RIMS1: variants seen among roughly 807,000 people sequenced by gnomAD.
RIMS1 encodes regulating synaptic membrane exocytosis protein 1.
RIMS1 carries 83 observed loss-of-function variants against 214.1 expected under a neutral mutation model. That is an observed-to-expected ratio of 0.39 (90% confidence interval 0.32 to 0.47). The LOEUF (loss-of-function observed/expected upper bound fraction) is 0.47, where lower values mean the gene tolerates loss of function less well. Ranked by LOEUF, RIMS1 falls within the 20% of genes least tolerant of loss-of-function variation. RIMS1 has a pLI of 0.99. For missense variants in RIMS1, 2,050 were observed against 2,161.8 expected (o/e 0.95, Z 1.03); for synonymous variants, 793 against 786.8 (o/e 1.01, Z -0.13).
intron 2 of RIMS1, among the ~76,000 whole-genome samples, chr6:71,972,230 A>C (rs957640342): frequency 3.3e-5 from 5 of 152,164 alleles, no homozygotes; most frequent in Non-Finnish European, 7.4e-5. Context: ...AGGGATGAAA[A>C]GTGTGCTTTG....
chr6:72,275,897 G>A (rs916899813), intron 23 of RIMS1, among the ~76,000 whole-genome samples: 22 of 152,294 alleles, frequency 1.4e-4, no homozygotes, highest in African/African-American at 5.3e-4. Flanking sequence ...AGGGAACTTA[G>A]AATTTTCTTT....
chr6:72,154,482 C>T (rs1383596294), intron 4 of RIMS1, among the ~76,000 whole-genome samples: 2 of 140,346 alleles, frequency 1.4e-5, no homozygotes, highest in African/African-American at 2.5e-5. Flanking sequence ...GGCAAAAATA[C>T]GTCAAAACAT....
rs146124735 is a variant in RIMS1 at position 72,133,873 on chromosome 6, A to G, written c.471+33887A>G. Among the ~76,000 whole-genome samples, 309 of 152,236 alleles carry G rather than the reference A, an allele frequency of 2.0e-3. 2 individuals carry two copies. Among genetic ancestry groups the G allele is most frequent in the South Asian group, 3.9e-3 (19 of 4,820 alleles). On this transcript the variant is annotated intron_variant, in intron 4 of 33. Coordinates refer to ENST00000521978, the MANE Select transcript of RIMS1 (RefSeq NM_014989.7). ...ATGAAAGATAGTTACAGAGGGTGGG[A>G]TATGGTGTTAGGCAGCTGAGGACTC...
At position 72,118,540 on chromosome 6, in the gene RIMS1, G is replaced by T. The variant is rs538657515; in HGVS notation, c.471+18554G>T. ...TAACAAAGAAAGAAAACTATGGACTGATATTCCTGATGAACATAGATGCAA... is the reference window on the plus strand; with the variant it reads ...TAACAAAGAAAGAAAACTATGGACTTATATTCCTGATGAACATAGATGCAA... On this transcript the variant is annotated intron_variant, in intron 4 of 33. Coordinates refer to ENST00000521978, the MANE Select transcript of RIMS1 (RefSeq NM_014989.7). Among the ~76,000 whole-genome samples, 6 of 151,578 alleles carry T rather than the reference G, an allele frequency of 4.0e-5. No homozygotes were observed. In the East Asian group the frequency reaches 1.2e-3, roughly 29 times the overall value.
chr6:72,076,326 A>G (rs1194710135), intron 2 of RIMS1, among the ~76,000 whole-genome samples: 3 of 152,346 alleles, frequency 2.0e-5, no homozygotes, highest in East Asian at 3.9e-4. Context: ...AAAGGTGCCC[A>G]TCAATTTTGT....
chr6:72,229,531 A>G, intron 6 of RIMS1, among the ~76,000 whole-genome samples: 1 of 151,884 alleles, frequency 6.6e-6, no homozygotes, highest in East Asian at 1.9e-4. Flanking sequence ...ACCTGTAGTT[A>G]GGTGAAATTA....
rs2062993975 is a variant in RIMS1, at chr6:72,233,863, T to C, written c.1746+23T>C. On this transcript the variant is annotated intron_variant, in intron 7 of 33. Transcript: ENST00000521978. ...TCGGTAAGTTTTCTGGAAAGTGTGT[T>C]TGGAGTTTAGGGAATATGTGTGCTC... The C allele has an allele frequency of 5.2e-6, 8 of 1,527,228 alleles. No individual in the cohort carries two copies. In the African/African-American group the frequency reaches 9.6e-5, roughly 18 times the overall value. 94.6% of individuals were successfully genotyped at this position (1,527,228 alleles called of 1,614,324 possible). A position where few individuals can be genotyped will look rare whatever the true frequency, so the allele number is the denominator to read the frequency against.
intron 4 of RIMS1, among the ~76,000 whole-genome samples, chr6:72,179,096 C>G (rs1415251042): frequency 6.6e-6 from 1 of 151,970 alleles, no homozygotes; most frequent in Non-Finnish European, 1.5e-5. Context: ...TTTAATATTG[C>G]CTTTAATTGT....
At chr6:72,274,480 A>G (rs2085151948) in intron 23 of RIMS1, 48 bp downstream of exon 23, 4 of 1,408,298 alleles carry the variant, frequency 2.8e-6, no homozygotes, top group Non-Finnish European at 4.0e-6. Context: ...AGAAGCTTAT[A>G]GGCCACCAAC....
At chr6:72,008,985 C>T (rs1429953029) in intron 2 of RIMS1, among the ~76,000 whole-genome samples, 1 of 152,176 alleles carries the variant, frequency 6.6e-6, no homozygotes, top group Admixed American at 6.5e-5. Flanking sequence ...TAAAAGACAC[C>T]TACAGAACTC....
chr6:71,975,206 A>G (rs1016096141), intron 2 of RIMS1, among the ~76,000 whole-genome samples: 1 of 152,208 alleles, frequency 6.6e-6, no homozygotes, highest in African/African-American at 2.4e-5. Context: ...TATAGTGGGT[A>G]TAACCAGTAC....
Position 72,252,826 on chromosome 6 carries a change from C to T in RIMS1, c.2764C>T (p.Pro922Ser). 1 of 1,554,158 alleles carries T rather than the reference C, an allele frequency of 6.4e-7. No homozygotes were observed. The highest frequency in any genetic ancestry group is 1.2e-5 in the South Asian group (1 of 84,198). The change falls in exon 16 of 34, where the codon CCT becomes TCT. Residue 922 changes from proline to serine, a missense_variant. Transcript: ENST00000521978. ...GGTTGATGATGGTATTGGCGTAGTT[C>T]CTCCAGGTGCGTGGGTGAGGAGCAT... The part of the protein sequence containing the change: ...YEVDDGIGVV[P>S]PVGYRSSARE...
intron 30 of RIMS1, among the ~76,000 whole-genome samples, chr6:72,391,768 T>C (rs377579496): frequency 5.0e-4 from 76 of 152,306 alleles, no homozygotes; most frequent in Middle Eastern, 3.4e-3. Context: ...GTATGAAAGT[T>C]ACAGAGATAA....
intron 4 of RIMS1, among the ~76,000 whole-genome samples, chr6:72,174,687 C>T (rs1465199463): frequency 2.0e-5 from 3 of 151,998 alleles, no homozygotes; most frequent in Admixed American, 6.5e-5. Context: ...TTTAGAATCA[C>T]ATAGAAATAC....
At chr6:72,078,721 G>A (rs1313217016) in intron 2 of RIMS1, among the ~76,000 whole-genome samples, 1 of 152,028 alleles carries the variant, frequency 6.6e-6, no homozygotes, top group East Asian at 1.9e-4. Flanking sequence ...ATTTAAAGGA[G>A]CATTTTCTCA....
chr6:72,364,017 T>C (rs940221535), intron 29 of RIMS1, among the ~76,000 whole-genome samples: 21 of 152,192 alleles, frequency 1.4e-4, no homozygotes, highest in Non-Finnish European at 2.9e-4. Context: ...CCAGATTCCA[T>C]GGAACATGAG....
At chr6:72,298,346 C>T (rs939982311) in intron 26 of RIMS1, among the ~76,000 whole-genome samples, 6 of 151,904 alleles carry the variant, frequency 3.9e-5, no homozygotes, top group African/African-American at 1.2e-4. Flanking sequence ...CTATTAGTAT[C>T]TTTATTTTCC....
At chr6:72,341,098 G>T (rs1049408317) in intron 29 of RIMS1, among the ~76,000 whole-genome samples, 1 of 151,912 alleles carries the variant, frequency 6.6e-6, no homozygotes, top group Non-Finnish European at 1.5e-5. Flanking sequence ...TGTTATTGGT[G>T]TATAAGAATT....
intron 23 of RIMS1, 104 bp downstream of exon 23, chr6:72,274,536 A>G: frequency 1.2e-6 from 1 of 838,434 alleles, no homozygotes; most frequent in Non-Finnish European, 2.0e-6. Flanking sequence ...ACTTTATTCC[A>G]GGAGCCAGAG....
Sources: gnomAD v4.1 joint callset for allele counts (sites outside exome capture counted in the v4.1 genomes callset) on GRCh38, gnomAD v4.1.1 for gene constraint, MANE v1.5 for transcripts, NCBI Gene and HGNC (gene_info 2026-07-23, HGNC 2026-07-21) for gene names.